The following ASCC3 variants were observed in gnomAD, a reference collection of about 807,000 sequenced individuals.
ASCC3 encodes ASC-1 complex subunit P200.
ASCC3 carries 158 observed loss-of-function variants against 256.3 expected under a neutral mutation model. The observed-to-expected ratio is 0.62, with a 90% CI of 0.54 to 0.70. ASCC3 has a LOEUF of 0.70. Ranked by LOEUF, ASCC3 falls within the 30% of genes least tolerant of loss-of-function variation. ASCC3 has a pLI of 0.00. For missense variants in ASCC3, 2,259 were observed against 2,626.0 expected (o/e 0.86, Z 3.05); for synonymous variants, 948 against 883.4 (o/e 1.07, Z -1.30).
chr6:100,609,408 T>C (rs575730757), intron 30 of ASCC3, among the ~76,000 whole-genome samples: 4 of 152,082 alleles, frequency 2.6e-5, no homozygotes, highest in Non-Finnish European at 5.9e-5. Context: ...TATATTATAA[T>C]TTTTACATTT....
intron 13 of ASCC3, among the ~76,000 whole-genome samples, chr6:100,714,722 A>AACG (rs1779009630): frequency 6.6e-6 from 1 of 152,144 alleles, no homozygotes; most frequent in East Asian, 1.9e-4. Context: ...CACAATCTCT[A>AACG]GAGATTAGTT....
intron 14 of ASCC3, among the ~76,000 whole-genome samples, chr6:100,665,455 T>C (rs1776415599): frequency 1.3e-5 from 2 of 152,026 alleles, no homozygotes; most frequent in African/African-American, 4.8e-5. Context: ...CCGGGCACAG[T>C]GGGTCATGCC....
chr6:100,739,187 T>A (rs543969344), intron 10 of ASCC3, among the ~76,000 whole-genome samples: 1 of 152,350 alleles, frequency 6.6e-6, no homozygotes, highest in South Asian at 2.1e-4. Context: ...TTTCTGCATC[T>A]ATTGAGATAT....
At chr6:100,609,240 A>T (rs2114821166) in intron 30 of ASCC3, among the ~76,000 whole-genome samples, 1 of 151,858 alleles carries the variant, frequency 6.6e-6, no homozygotes, top group East Asian at 1.9e-4. Flanking sequence ...TTATTTTTTA[A>T]ATTTAAATAA....
chr6:100,576,620 C>T (rs903143088), intron 36 of ASCC3, among the ~76,000 whole-genome samples: 3 of 151,876 alleles, frequency 2.0e-5, no homozygotes, highest in South Asian at 2.1e-4. Context: ...TTATTTGATG[C>T]TTATAAATAA....
At chr6:100,518,991 C>T (rs1774170942) in intron 37 of ASCC3, among the ~76,000 whole-genome samples, 1 of 152,006 alleles carries the variant, frequency 6.6e-6, no homozygotes, top group Admixed American at 6.6e-5. Flanking sequence ...TAAAATGATA[C>T]TTTAATAGTA....
intron 8 of ASCC3, among the ~76,000 whole-genome samples, chr6:100,791,240 A>G (rs1439200736): frequency 3.9e-5 from 6 of 151,928 alleles, no homozygotes; most frequent in African/African-American, 1.4e-4. Flanking sequence ...ATCCCCAATT[A>G]CTTTCAAGAA....
intron 26 of ASCC3, 130 bp from the exon 27 acceptor site, chr6:100,629,311 G>A: frequency 1.2e-6 from 1 of 855,312 alleles, no homozygotes; most frequent in Non-Finnish European, 1.8e-6. Context: ...TTTGATTTTT[G>A]AAATTTTCCA....
At chr6:100,733,349 G>A (rs1779995657) in intron 10 of ASCC3, among the ~76,000 whole-genome samples, 1 of 152,132 alleles carries the variant, frequency 6.6e-6, no homozygotes, top group African/African-American at 2.4e-5. Context: ...CGTGGGTGGT[G>A]TTTGGGTCAT....
At chr6:100,632,796 C>T (rs1248459525) in intron 25 of ASCC3, among the ~76,000 whole-genome samples, 2 of 152,108 alleles carry the variant, frequency 1.3e-5, no homozygotes, top group Admixed American at 6.6e-5. Flanking sequence ...TACTGCCATA[C>T]ACCATATACA....
intron 14 of ASCC3, among the ~76,000 whole-genome samples, chr6:100,677,695 G>T (rs1409162635): frequency 6.6e-6 from 1 of 151,748 alleles, no homozygotes; most frequent in East Asian, 1.9e-4. Flanking sequence ...TCTATGAAAG[G>T]CTGGGAATAT....
intron 8 of ASCC3, among the ~76,000 whole-genome samples, chr6:100,795,245 T>A (rs1308839295): frequency 6.6e-6 from 1 of 151,788 alleles, no homozygotes; most frequent in South Asian, 2.1e-4. Flanking sequence ...GAAACGGTCA[T>A]GTTTGCTGCT....
At chr6:100,625,920 A>G (rs1774210077) in intron 29 of ASCC3, among the ~76,000 whole-genome samples, 1 of 152,014 alleles carries the variant, frequency 6.6e-6, no homozygotes, top group South Asian at 2.1e-4. Context: ...TTAAAAGCAT[A>G]TGTGTGAGAA....
intron 4 of ASCC3, among the ~76,000 whole-genome samples, chr6:100,825,352 T>C (rs951937036): frequency 1.3e-4 from 20 of 152,024 alleles, no homozygotes; most frequent in African/African-American, 4.3e-4. Flanking sequence ...CTACTCAAGT[T>C]TTTTTTCCCT....
At chr6:100,830,026 C>T (rs188769435) in intron 4 of ASCC3, among the ~76,000 whole-genome samples, 1 of 152,054 alleles carries the variant, frequency 6.6e-6, no homozygotes, top group African/African-American at 2.4e-5. Flanking sequence ...CCAGGCAGGA[C>T]AGAGCAAGAT....
intron 8 of ASCC3, among the ~76,000 whole-genome samples, chr6:100,775,277 G>C (rs1782132542): frequency 1.3e-5 from 2 of 151,998 alleles, no homozygotes; most frequent in Admixed American, 1.3e-4. Flanking sequence ...TATCTTCTGA[G>C]AATAAGAAGG....
At position 100,662,100 on chromosome 6, in the gene ASCC3, G is replaced by A. The variant is rs538424149; in HGVS notation, c.2479-70C>T. ...ATATAATCCTGATGAACTGAATACT[G>A]AAATTAGGCAAATATGGCAAGATCT... On this transcript the variant is annotated intron_variant, in intron 15 of 41. Transcript: ENST00000369162. The A allele has an allele frequency of 3.2e-4, 456 of 1,440,774 alleles. 1 individual carries two copies. Among genetic ancestry groups the A allele is most frequent in the Non-Finnish European group, 1.1e-4 (110 of 1,029,900 alleles). The allele number at this position is 1,440,774 out of a possible 1,614,324, so 89.2% of individuals were successfully genotyped here. A position where few individuals can be genotyped will look rare whatever the true frequency, so the allele number is the denominator to read the frequency against.
chr6:100,538,135 TA>T (rs141300498), intron 37 of ASCC3, among the ~76,000 whole-genome samples: 4,737 of 152,150 alleles, frequency 0.031, 245 homozygotes, highest in African/African-American at 0.11. Flanking sequence ...GTACAATCAA[TA>T]TATCTGCAAA....
chr6:100,763,344 T>C (rs769721611), intron 10 of ASCC3, among the ~76,000 whole-genome samples: 3 of 152,222 alleles, frequency 2.0e-5, no homozygotes, highest in Non-Finnish European at 4.4e-5. Flanking sequence ...ACATAGTCCC[T>C]GCCCTTACAC....
Sources: allele counts gnomAD v4.1 joint callset (sites outside exome capture counted in the v4.1 genomes callset), GRCh38; gene constraint gnomAD v4.1.1; transcripts MANE v1.5; gene names NCBI Gene and HGNC (gene_info 2026-07-23, HGNC 2026-07-21).